Variants in KIF26B observed in about 807,000 individuals in gnomAD.
KIF26B encodes the protein kinesin-like protein KIF26B.
In KIF26B, 63 loss-of-function variants were observed where a neutral mutation model predicts 151.2. That is an observed-to-expected ratio of 0.42 (90% confidence interval 0.34 to 0.51). The LOEUF (loss-of-function observed/expected upper bound fraction) is 0.51, where lower values mean the gene tolerates loss of function less well. Ranked by LOEUF, KIF26B falls within the 20% of genes least tolerant of loss-of-function variation. The pLI is 0.07. For missense variants in KIF26B, 2,813 were observed against 2,913.6 expected (o/e 0.97, Z 0.79); for synonymous variants, 1,357 against 1,262.1 (o/e 1.08, Z -1.59).
intron 10 of KIF26B, among the ~76,000 whole-genome samples, chr1:245,669,452 A>G (rs893022151): frequency 6.6e-6 from 1 of 152,244 alleles, no homozygotes; most frequent in Non-Finnish European, 1.5e-5. Context: ...ATTAATATCC[A>G]GAATATATAA....
chr1:245,169,660 A>T (rs1125021), intron 2 of KIF26B, among the ~76,000 whole-genome samples: 1 of 151,768 alleles, frequency 6.6e-6, no homozygotes, highest in Non-Finnish European at 1.5e-5. Flanking sequence ...AATATATCCA[A>T]TGAGGCACTC....
rs916442742 is a variant in KIF26B, at chr1:245,318,814, A to G, written c.466-48020A>G. ...CTAATGAGACAAGATCTAACTAAACAGAGTAAAGAGTTTCTCGGTCACAAG... is the reference window on the plus strand; with the variant it reads ...CTAATGAGACAAGATCTAACTAAACGGAGTAAAGAGTTTCTCGGTCACAAG... On this transcript the variant is annotated intron_variant, in intron 2 of 14. Coordinates refer to ENST00000407071, the MANE Select transcript of KIF26B (RefSeq NM_018012.4). This position sits in a 1 kb window ranked among gnomAD's most constrained non-coding sequence, Gnocchi z 4.0. Among the ~76,000 whole-genome samples, 1 of 152,176 alleles carries G rather than the reference A, an allele frequency of 6.6e-6. No homozygotes were observed. The highest frequency in any genetic ancestry group is 2.4e-5 in the African/African-American group (1 of 41,434).
At chr1:245,630,093 C>G (rs1054666861) in intron 9 of KIF26B, among the ~76,000 whole-genome samples, 2 of 151,926 alleles carry the variant, frequency 1.3e-5, no homozygotes, top group Admixed American at 1.3e-4. Flanking sequence ...TAGATGGTGG[C>G]AAGGCTGTGG....
intron 2 of KIF26B, among the ~76,000 whole-genome samples, chr1:245,303,231 CTT>C (rs1426271213): frequency 2.2e-5 from 3 of 137,346 alleles, no homozygotes; most frequent in African/African-American, 5.6e-5. Context: ...CGGAGTCTCG[CTT>C]TGTCGCCCAG....
chr1:245,561,713 A>G (rs1240727983), intron 5 of KIF26B, among the ~76,000 whole-genome samples: 1 of 152,194 alleles, frequency 6.6e-6, no homozygotes, highest in Non-Finnish European at 1.5e-5. Context: ...TTTACTAGTG[A>G]GGAAACTGAG....
intron 2 of KIF26B, among the ~76,000 whole-genome samples, chr1:245,263,984 A>C (rs1455362804): frequency 6.6e-6 from 1 of 152,230 alleles, no homozygotes; most frequent in Non-Finnish European, 1.5e-5. Context: ...TTCAACTCAC[A>C]GATGGCAGCT....
chr1:245,400,755 A>G (rs187644993), intron 3 of KIF26B, among the ~76,000 whole-genome samples: 1 of 152,276 alleles, frequency 6.6e-6, no homozygotes, highest in East Asian at 1.9e-4. Context: ...GGTTAAATGA[A>G]ATGTTATTAA....
intron 3 of KIF26B, among the ~76,000 whole-genome samples, chr1:245,416,895 C>A (rs1243344824): frequency 6.6e-6 from 1 of 152,150 alleles, no homozygotes; most frequent in African/African-American, 2.4e-5. Flanking sequence ...AGAACATGAT[C>A]TTTTAGGTGG....
rs186989281 is a variant in KIF26B at position 245,286,540 on chromosome 1, T to C, written c.466-80294T>C. Among the ~76,000 whole-genome samples the C allele has an allele frequency of 4.4e-4, 67 of 152,252 alleles. No homozygotes were observed. The South Asian group carries it at 6.4e-3, about 15-fold the overall frequency. Reference sequence around the variant, plus strand: ...CTGGGCGACAGAGTGAGACCCTGTCTAAAAATAAAAACAATAAAACGTGTC... The same window carrying C: ...CTGGGCGACAGAGTGAGACCCTGTCCAAAAATAAAAACAATAAAACGTGTC... On this transcript the variant is annotated intron_variant, in intron 2 of 14. Transcript: ENST00000407071.
chr1:245,412,136 T>C (rs1230438197), intron 3 of KIF26B, among the ~76,000 whole-genome samples: 1 of 152,208 alleles, frequency 6.6e-6, no homozygotes, highest in Non-Finnish European at 1.5e-5. Context: ...TAGCTGTGGA[T>C]GGTCTTTTCC....
chr1:245,623,960 G>C (rs772583658), intron 9 of KIF26B, among the ~76,000 whole-genome samples: 2 of 152,118 alleles, frequency 1.3e-5, no homozygotes, highest in African/African-American at 2.4e-5. Flanking sequence ...TTGGGGGAGG[G>C]ACCTGGTGGG....
In KIF26B at chr1:245,512,533, G is replaced by T. The variant is rs532513031; in HGVS notation, c.1167-28234G>T. Among the ~76,000 whole-genome samples, 2 of 152,094 alleles carry T rather than the reference G, an allele frequency of 1.3e-5. No individual in the cohort carries two copies. The highest frequency in any genetic ancestry group is 6.6e-5 in the Admixed American group (1 of 15,258). On this transcript the variant is annotated intron_variant, in intron 4 of 14. Transcript: ENST00000407071. This position sits in a 1 kb window ranked among gnomAD's most constrained non-coding sequence, Gnocchi z 4.3. ...AGTGTTCCTAACAACTTTATTAATT[G>T]GGGTTTAACATCATCAAGGGCTGTA...
At position 245,573,643 on chromosome 1, in the gene KIF26B, C is replaced by T. The variant is rs529588628; in HGVS notation, c.1351-28934C>T. On this transcript the variant is annotated intron_variant, in intron 5 of 14. Transcript: ENST00000407071. ...TATTTGATATCTCACTGACCCCTCC[C>T]GAGGCAGAAATTTGCTTTTGCTCAT... Among the ~76,000 whole-genome samples the T allele has an allele frequency of 9.7e-4, 147 of 152,194 alleles. 1 individual carries two copies. The highest frequency in any genetic ancestry group is 1.7e-3 in the Non-Finnish European group (117 of 68,012).
chr1:245,317,543 G>A (rs1289157041), intron 2 of KIF26B, among the ~76,000 whole-genome samples: 1 of 152,234 alleles, frequency 6.6e-6, no homozygotes, highest in Non-Finnish European at 1.5e-5. Context: ...TTTGGAATGA[G>A]GAGGCAAACC....
Position 245,703,022 on chromosome 1 carries a change from A to ATCTT in KIF26B, c.*418_*421dup, listed in dbSNP as rs1404764436. The stretch of plus-strand genomic sequence containing the variant: ...GAATGACTGATTAAGTGCCTTGCAA[A>ATCTT]TCTTTATTATTATCCAAACATTTAT... On this transcript the variant is annotated 3_prime_UTR_variant, in exon 15 of 15. Coordinates refer to ENST00000407071, the MANE Select transcript of KIF26B (RefSeq NM_018012.4). 1 of 168,970 alleles carries ATCTT rather than the reference A, an allele frequency of 5.9e-6. No homozygotes were observed. The highest frequency in any genetic ancestry group is 2.4e-5 in the African/African-American group (1 of 42,170). 10.5% of individuals were successfully genotyped at this position (168,970 alleles called of 1,614,324 possible).
At chr1:245,694,785 T>G (rs903687998) in intron 12 of KIF26B, among the ~76,000 whole-genome samples, 3 of 152,212 alleles carry the variant, frequency 2.0e-5, no homozygotes, top group Non-Finnish European at 2.9e-5. Context: ...CAGTGTTGAC[T>G]TTCTCAGGTC....
At chr1:245,308,729 C>A (rs750064445) in intron 2 of KIF26B, among the ~76,000 whole-genome samples, 1 of 152,008 alleles carries the variant, frequency 6.6e-6, no homozygotes, top group Non-Finnish European at 1.5e-5. Flanking sequence ...CAGAATAAGA[C>A]CCTGTCTCAA....
At chr1:245,259,899 C>A (rs1358167878) in intron 2 of KIF26B, among the ~76,000 whole-genome samples, 1 of 141,090 alleles carries the variant, frequency 7.1e-6, no homozygotes, top group Non-Finnish European at 1.5e-5. Context: ...TGCACTGCTG[C>A]ACCCCAGCAT....
At chr1:245,301,514 C>T (rs779877241) in intron 2 of KIF26B, among the ~76,000 whole-genome samples, 56 of 152,240 alleles carry the variant, frequency 3.7e-4, no homozygotes, top group Non-Finnish European at 5.3e-4. Context: ...AAAGTCTGGC[C>T]GGGCTGCTTA....
Sources: allele counts gnomAD v4.1 joint callset (sites outside exome capture counted in the v4.1 genomes callset), GRCh38; gene constraint gnomAD v4.1.1; non-coding constraint Gnocchi (gnomAD v3.1); transcripts MANE v1.5; gene names NCBI Gene and HGNC (gene_info 2026-07-23, HGNC 2026-07-21).